The following CHD1 variants were observed in gnomAD, a reference collection of about 807,000 sequenced individuals.
CHD1 encodes the protein chromodomain helicase DNA binding protein 1, also known as ATP-dependent chromatin remodeler CHD1.
A neutral mutation model predicts 224.2 loss-of-function variants in CHD1; 36 were observed. The observed-to-expected ratio is 0.16, with a 90% confidence interval of 0.12 to 0.21. The LOEUF (loss-of-function observed/expected upper bound fraction) is 0.21, where lower values mean the gene tolerates loss of function less well. CHD1 is among the 10% of genes least tolerant of loss of function. The pLI is 1.00. For synonymous variants in CHD1, 668 were observed against 658.3 expected, an observed-to-expected ratio of 1.01 and a Z score of -0.23; for missense variants, 1,378 against 1,994.8, an observed-to-expected ratio of 0.69 and a Z score of 5.89.
At position 98,906,875 on chromosome 5, in the gene CHD1, C is replaced by T. The variant is rs577797348; in HGVS notation, c.54-1777G>A. Among the ~76,000 whole-genome samples the T allele has an allele frequency of 2.6e-5, 4 of 152,264 alleles. No individual in the cohort carries two copies. The South Asian group carries it at 8.3e-4, about 32-fold the overall frequency. Reference sequence around the variant, plus strand: ...TACACAGTAAGGTTAACAAGTAGACCTCATGATGTCTTAAATTTGTATCTA... The same window carrying T: ...TACACAGTAAGGTTAACAAGTAGACTTCATGATGTCTTAAATTTGTATCTA... On this transcript the variant is annotated intron_variant, in intron 2 of 35. Coordinates refer to ENST00000614616, the MANE Select transcript of CHD1 (RefSeq NM_001270.4).
At chr5:98,887,766 G>A (rs74610257) in intron 17 of CHD1, among the ~76,000 whole-genome samples, 1 of 151,996 alleles carries the variant, frequency 6.6e-6, no homozygotes, top group African/African-American at 2.4e-5. Context: ...AAGACTAAAG[G>A]CTCCCCTGCT....
intron 2 of CHD1, among the ~76,000 whole-genome samples, chr5:98,923,545 C>G (rs542185781): frequency 6.6e-6 from 1 of 151,760 alleles, no homozygotes; most frequent in African/African-American, 2.4e-5. Context: ...CTCAGCCTCG[C>G]GAGCAGCTGG....
intron 35 of CHD1, 34 bp from the exon 36 acceptor site, chr5:98,856,759 C>A: frequency 7.5e-7 from 1 of 1,342,268 alleles, no homozygotes; most frequent in Non-Finnish European, 1.0e-6. Context: ...TTAGACAAAT[C>A]ATGCAAATTA....
At chr5:98,899,150 C>T (rs962186734) in intron 8 of CHD1, among the ~76,000 whole-genome samples, 2 of 152,092 alleles carry the variant, frequency 1.3e-5, no homozygotes, top group African/African-American at 4.8e-5. Context: ...AAATATAACC[C>T]ACACACATCC....
Position 98,918,693 on chromosome 5 carries a change from G to A in CHD1, c.53+7641C>T, listed in dbSNP as rs200648003. On this transcript the variant is annotated intron_variant, in intron 2 of 35. Transcript: ENST00000614616. ...TGAGGCAGGAGAATCACTTGTTGGA[G>A]GATGCAGTGAGCCAAGATCACACCA... Among the ~76,000 whole-genome samples the A allele has an allele frequency of 3.4e-5, 5 of 149,084 alleles. No homozygotes were observed. In the East Asian group the frequency reaches 9.9e-4, roughly 30 times the overall value.
chr5:98,913,826 CA>C, intron 2 of CHD1, among the ~76,000 whole-genome samples: 1 of 152,036 alleles, frequency 6.6e-6, no homozygotes, highest in Non-Finnish European at 1.5e-5. Flanking sequence ...AAACAAATGC[CA>C]ACACTGTAAT....
Position 98,890,966 on chromosome 5 carries a change from A to T in CHD1, c.2180+1559T>A, listed in dbSNP as rs535005318. ...TCCCAATTCGAGTAAACGTAAAAAAATTTTTTGAGACAACAGAGAAAACTT... is the reference window on the plus strand; with the variant it reads ...TCCCAATTCGAGTAAACGTAAAAAATTTTTTTGAGACAACAGAGAAAACTT... On this transcript the variant is annotated intron_variant, in intron 15 of 35. Coordinates refer to ENST00000614616, the MANE Select transcript of CHD1 (RefSeq NM_001270.4). Among the ~76,000 whole-genome samples, 9 of 152,312 alleles carry T rather than the reference A, an allele frequency of 5.9e-5. No homozygotes were observed. The South Asian group carries it at 1.7e-3, about 28-fold the overall frequency.
chr5:98,889,211 G>A lies in CHD1; in HGVS notation c.2208C>T (p.Ala736=), dbSNP rs141800240. The part of the protein sequence containing the change: ...YKWILTRNYK[A]LSKGSKGSTS... Reference sequence around the variant, plus strand: ...TACTGCCCTTGGAACCTTTGCTGAGGGCTTTGTAATTCCTAGTTAAAATCC... The same window carrying A: ...TACTGCCCTTGGAACCTTTGCTGAGAGCTTTGTAATTCCTAGTTAAAATCC... Residue 736 remains alanine (A), a synonymous_variant, in exon 16 of 36, where the codon GCC becomes GCT. Transcript: ENST00000614616. 97 of 1,584,894 alleles carry A rather than the reference G, an allele frequency of 6.1e-5. No homozygotes were observed. Among genetic ancestry groups the A allele is most frequent in the Non-Finnish European group, 8.0e-5 (94 of 1,169,556 alleles).
chr5:98,911,121 T>G (rs1752359784), intron 2 of CHD1, among the ~76,000 whole-genome samples: 1 of 79,004 alleles, frequency 1.3e-5, no homozygotes, highest in Non-Finnish European at 2.4e-5. Context: ...AACCTTCCTG[T>G]GCTAAAATGA....
Position 98,873,603 on chromosome 5 carries a change from T to C in CHD1, c.3561A>G (p.Thr1187=). Residue 1187 remains threonine (T), a synonymous_variant, in exon 26 of 36, where the codon ACA becomes ACG. Coordinates refer to ENST00000614616, the MANE Select transcript of CHD1 (RefSeq NM_001270.4). ...IKALKDSSSG[T]ERTGGRLGKV... ...TCAGTTTAATGTTACCTGTTCGTTC[T>C]GTTCCTGAAGAACTATCCTTTAATG... 1 of 1,596,256 alleles carries C rather than the reference T, an allele frequency of 6.3e-7. No individual in the cohort carries two copies.
intron 31 of CHD1, among the ~76,000 whole-genome samples, chr5:98,868,177 A>T (rs1749043052): frequency 6.6e-6 from 1 of 151,900 alleles, no homozygotes; most frequent in Admixed American, 6.6e-5. Flanking sequence ...AAAAACTAAA[A>T]ATTAGCTGGG....
intron 2 of CHD1, among the ~76,000 whole-genome samples, chr5:98,921,620 A>G (rs1753099604): frequency 6.6e-6 from 1 of 152,220 alleles, no homozygotes; most frequent in African/African-American, 2.4e-5. Context: ...CATTCATCAT[A>G]AAGTAATACT....
chr5:98,862,818 T>C (rs1748577065), intron 32 of CHD1, among the ~76,000 whole-genome samples: 1 of 152,176 alleles, frequency 6.6e-6, no homozygotes, highest in African/African-American at 2.4e-5. Context: ...AAAAGAGAAG[T>C]TGCCAGGCTT....
rs947264270 is a variant in CHD1, at chr5:98,928,947, C to T, written c.-557G>A. On this transcript the variant is annotated 5_prime_UTR_variant, in exon 1 of 36. Coordinates refer to ENST00000614616, the MANE Select transcript of CHD1 (RefSeq NM_001270.4). The stretch of plus-strand genomic sequence containing the variant: ...CCGCCGCCACCGAGGTCGCCGTCGC[C>T]TCCGCCTCCCGCGCGACGTAAGCGC... 6.5e-6 allele frequency: 1 copy of T among 153,690 alleles called. No homozygotes were observed. Among genetic ancestry groups the T allele is most frequent in the Middle Eastern group, 3.0e-3 (1 of 328 alleles). 9.5% of individuals were successfully genotyped at this position (153,690 alleles called of 1,614,324 possible).
At chr5:98,904,589 A>G (rs1198525684) in intron 3 of CHD1, among the ~76,000 whole-genome samples, 2 of 152,222 alleles carry the variant, frequency 1.3e-5, no homozygotes, top group Non-Finnish European at 2.9e-5. Flanking sequence ...TAGACCTCAC[A>G]ATGTCTTAAA....
chr5:98,897,054 T>C (rs1751390214), intron 11 of CHD1, 139 bp downstream of exon 11: 1 of 756,166 alleles, frequency 1.3e-6, no homozygotes. Context: ...GTATTGTTTA[T>C]ACAAACTAGG....
intron 18 of CHD1, 70 bp from the exon 19 acceptor site, chr5:98,883,307 T>A: frequency 9.9e-7 from 1 of 1,009,614 alleles, no homozygotes; most frequent in Non-Finnish European, 1.4e-6. Flanking sequence ...AGTATGGTAC[T>A]AATTAAACAG....
At chr5:98,928,359 T>C (rs1303183754) in intron 1 of CHD1, among the ~76,000 whole-genome samples, 180 bp downstream of exon 1, 2 of 151,898 alleles carry the variant, frequency 1.3e-5, no homozygotes, top group Non-Finnish European at 2.9e-5. Context: ...CGGCCTGTAC[T>C]CGCCGCTCAC....
chr5:98,925,704 A>C (rs1188924315), intron 2 of CHD1, among the ~76,000 whole-genome samples: 2 of 152,006 alleles, frequency 1.3e-5, no homozygotes, highest in African/African-American at 4.8e-5. Context: ...TTAAAACTCC[A>C]ATCTGAAAAT....
Sources: allele counts gnomAD v4.1 joint callset (sites outside exome capture counted in the v4.1 genomes callset), GRCh38; gene constraint gnomAD v4.1.1; transcripts MANE v1.5; gene names NCBI Gene and HGNC (gene_info 2026-07-23, HGNC 2026-07-21).